Variants in GABRR2 observed in about 807,000 individuals in gnomAD.
GABRR2 encodes gamma-aminobutyric acid type A receptor subunit rho2, also known as gamma-aminobutyric acid receptor subunit rho-2.
A neutral mutation model predicts 47.0 loss-of-function variants in GABRR2; 36 were observed. That is an observed-to-expected ratio of 0.77 (90% CI 0.59 to 1.01). The LOEUF is 1.01. Ranked by LOEUF, GABRR2 falls within the 50% of genes least tolerant of loss-of-function variation. GABRR2 has a pLI of 0.00. For synonymous variants in GABRR2, 204 were observed against 227.5 expected, an observed-to-expected ratio of 0.90 and a Z score of 0.93; for missense variants, 587 against 594.6, an observed-to-expected ratio of 0.99 and a Z score of 0.13.
At chr6:89,314,290 A>G (rs1006849447) in intron 1 of GABRR2, among the ~76,000 whole-genome samples, 1 of 152,234 alleles carries the variant, frequency 6.6e-6, no homozygotes, top group African/African-American at 2.4e-5. Flanking sequence ...CATGGTGTTT[A>G]TATCTTAGCT....
intron 2 of GABRR2, among the ~76,000 whole-genome samples, chr6:89,279,332 T>C (rs1200536237): frequency 2.0e-5 from 3 of 152,070 alleles, no homozygotes; most frequent in Non-Finnish European, 4.4e-5. Context: ...GTGAAGGGAT[T>C]CTGTGAACAC....
intron 2 of GABRR2, among the ~76,000 whole-genome samples, chr6:89,294,843 A>G (rs1365855963): frequency 7.9e-6 from 1 of 126,750 alleles, no homozygotes; most frequent in African/African-American, 3.1e-5. Flanking sequence ...ACCTGTGTCC[A>G]AGTGTTCTCA....
rs554365429 is a variant in GABRR2, at chr6:89,281,734, C to T, written c.221-10012G>A. Among the ~76,000 whole-genome samples, 3 of 152,236 alleles carry T rather than the reference C, an allele frequency of 2.0e-5. No individual in the cohort carries two copies. The East Asian group carries it at 5.8e-4, about 29-fold the overall frequency. Reference sequence around the variant, plus strand: ...CCTGTGGCACAGAGGCAAAAGGGGGCCCTTGAATCCTTGCTTGCTGGCTGG... The same window carrying T: ...CCTGTGGCACAGAGGCAAAAGGGGGTCCTTGAATCCTTGCTTGCTGGCTGG... On this transcript the variant is annotated intron_variant, in intron 2 of 8. Transcript: ENST00000402938.
At chr6:89,268,656 C>CG (rs11304629) in intron 4 of GABRR2, among the ~76,000 whole-genome samples, 24,901 of 147,020 alleles carry the variant, frequency 0.17, 2,257 homozygotes, top group South Asian at 0.24. Flanking sequence ...TTTTGGGGGA[C>CG]GGGGGGGGGC....
intron 2 of GABRR2, among the ~76,000 whole-genome samples, chr6:89,283,888 C>T (rs774511308): frequency 6.6e-6 from 1 of 152,170 alleles, no homozygotes; most frequent in Non-Finnish European, 1.5e-5. Context: ...TTTCGGAAAA[C>T]AGTCTTCAAC....
At chr6:89,306,233 C>G (rs1186743538) in intron 1 of GABRR2, among the ~76,000 whole-genome samples, 1 of 151,602 alleles carries the variant, frequency 6.6e-6, no homozygotes, top group African/African-American at 2.4e-5. Context: ...ATGTAATAAC[C>G]AAGTGTGATG....
intron 1 of GABRR2, among the ~76,000 whole-genome samples, chr6:89,305,651 G>C (rs1487223075): frequency 6.6e-6 from 1 of 152,120 alleles, no homozygotes; most frequent in East Asian, 1.9e-4. Context: ...AAAAGCATGA[G>C]ATTATGTCCT....
Position 89,287,685 on chromosome 6 carries a change from G to A in GABRR2, c.220+12074C>T, listed in dbSNP as rs141012437. ...CCCATTCCACAGGTGAGGACTTGAG[G>A]ATTAGAAGGTGACTGAGTCCCCAGC... On this transcript the variant is annotated intron_variant, in intron 2 of 8. Coordinates refer to ENST00000402938, the MANE Select transcript of GABRR2 (RefSeq NM_002043.5). Among the ~76,000 whole-genome samples the A allele has an allele frequency of 8.3e-3, 1,258 of 152,354 alleles. 13 individuals carry two copies. The highest frequency in any genetic ancestry group is 0.011 in the Non-Finnish European group (761 of 68,036).
At chr6:89,297,768 G>A (rs959168578) in intron 2 of GABRR2, among the ~76,000 whole-genome samples, 2 of 152,122 alleles carry the variant, frequency 1.3e-5, no homozygotes, top group Admixed American at 6.6e-5. Flanking sequence ...GAGGAGAATC[G>A]CTTGAACCTG....
intron 1 of GABRR2, among the ~76,000 whole-genome samples, chr6:89,307,857 G>A (rs541247292): frequency 1.9e-4 from 25 of 131,368 alleles, no homozygotes; most frequent in Middle Eastern, 5.7e-3. Context: ...TTGCTCTGTC[G>A]CCAGACTGGA....
chr6:89,296,447 T>C (rs2148175), intron 2 of GABRR2, among the ~76,000 whole-genome samples: 120,326 of 152,262 alleles, frequency 0.79, 48,296 homozygotes, highest in East Asian at 0.98. Flanking sequence ...TGCAGGAGAT[T>C]ACAGGTGCCC....
chr6:89,306,783 CA>C (rs5878088), intron 1 of GABRR2, among the ~76,000 whole-genome samples: 1,308 of 123,492 alleles, frequency 0.011, 13 homozygotes, highest in African/African-American at 0.03. Flanking sequence ...TATTACTAAA[CA>C]AAAAAAAAGA....
intron 2 of GABRR2, among the ~76,000 whole-genome samples, chr6:89,280,954 G>T (rs1774247437): frequency 6.6e-6 from 1 of 152,236 alleles, no homozygotes; most frequent in Non-Finnish European, 1.5e-5. Flanking sequence ...ATGAAATTTT[G>T]TCAAACTTGT....
chr6:89,261,606 A>G (rs1773747733), intron 8 of GABRR2, among the ~76,000 whole-genome samples: 1 of 152,224 alleles, frequency 6.6e-6, no homozygotes, highest in African/African-American at 2.4e-5. Flanking sequence ...CAAATTACAA[A>G]CAGTACCTAA....
chr6:89,290,913 A>G (rs1207278609), intron 2 of GABRR2, among the ~76,000 whole-genome samples: 1 of 152,056 alleles, frequency 6.6e-6, no homozygotes, highest in Non-Finnish European at 1.5e-5. Flanking sequence ...CTGGCCTGGC[A>G]ATGGCTCCAC....
rs35295435 is a variant in GABRR2 at position 89,280,211 on chromosome 6, AATATATATATATATAT to A, written c.221-8505_221-8490del. On this transcript the variant is annotated intron_variant, in intron 2 of 8. Transcript: ENST00000402938. Reference sequence around the variant, plus strand: ...ATGACAGAGACTTAGTCTAAAAACAAATATATATATATATATATATATATATATATATATATATATA... The same window carrying A: ...ATGACAGAGACTTAGTCTAAAAACAAATATATATATATATATATATATATA... Among the ~76,000 whole-genome samples, 227 of 110,428 alleles carry A rather than the reference AATATATATATATATAT, an allele frequency of 2.1e-3. 2 individuals are homozygous for A. The highest frequency in any genetic ancestry group is 0.015 in the Middle Eastern group (3 of 198). 72.4% of individuals were successfully genotyped at this position (110,428 alleles called of 152,430 possible).
chr6:89,289,496 A>C (rs576425339), intron 2 of GABRR2, among the ~76,000 whole-genome samples: 9 of 152,328 alleles, frequency 5.9e-5, no homozygotes, highest in African/African-American at 2.2e-4. Context: ...TTGAATTTGA[A>C]TTCTGATTTA....
chr6:89,268,858 G>A (rs1773975155), intron 4 of GABRR2, among the ~76,000 whole-genome samples, 153 bp downstream of exon 4: 1 of 152,176 alleles, frequency 6.6e-6, no homozygotes, highest in African/African-American at 2.4e-5. Context: ...GGGTGGCCAT[G>A]TCATGTTTAG....
chr6:89,289,755 T>C (rs139271098), intron 2 of GABRR2, among the ~76,000 whole-genome samples: 23 of 152,306 alleles, frequency 1.5e-4, no homozygotes, highest in Non-Finnish European at 3.2e-4. Flanking sequence ...TGTGTTGCTA[T>C]AACAGAATAC....
Sources: allele counts gnomAD v4.1 joint callset (sites outside exome capture counted in the v4.1 genomes callset), GRCh38; gene constraint gnomAD v4.1.1; transcripts MANE v1.5; gene names NCBI Gene and HGNC (gene_info 2026-07-23, HGNC 2026-07-21).